The following KANK1 variants were observed in gnomAD, a reference collection of about 807,000 sequenced individuals.
KANK1 encodes KN motif and ankyrin repeat domains 1, also known as KN motif and ankyrin repeat domain-containing protein 1.
In KANK1, 109 loss-of-function variants were observed where a neutral mutation model predicts 106.2. The observed-to-expected ratio is 1.03, with a 90% confidence interval of 0.88 to 1.20. KANK1 has a LOEUF of 1.20. Among genes scored for constraint, KANK1 ranks in the 50% most tolerant of loss-of-function variants. KANK1 has a pLI of 0.00. For missense variants in KANK1, 2,399 were observed against 1,710.7 expected, an observed-to-expected ratio of 1.40 and a Z score of -7.10; for synonymous variants, 873 against 652.2, an observed-to-expected ratio of 1.34 and a Z score of -5.16.
At chr9:621,721 A>G (rs1485317214) in intron 1 of KANK1, among the ~76,000 whole-genome samples, 1 of 152,036 alleles carries the variant, frequency 6.6e-6, no homozygotes, top group Non-Finnish European at 1.5e-5. Flanking sequence ...CCATCTCGTA[A>G]GCAGAGCCTA....
At chr9:532,885 G>A (rs2060128797) in intron 1 of KANK1, among the ~76,000 whole-genome samples, 1 of 152,088 alleles carries the variant, frequency 6.6e-6, no homozygotes, top group Non-Finnish European at 1.5e-5. Context: ...CTGGCCATTG[G>A]GGTATAATAA....
At chr9:568,895 GT>G (rs1563784075) in intron 1 of KANK1, among the ~76,000 whole-genome samples, 1 of 152,138 alleles carries the variant, frequency 6.6e-6, no homozygotes, top group African/African-American at 2.4e-5. Flanking sequence ...CCCTTAATAT[GT>G]TTTGCCAAAT....
At chr9:621,453 C>G (rs890851207) in intron 1 of KANK1, among the ~76,000 whole-genome samples, 20 of 152,106 alleles carry the variant, frequency 1.3e-4, no homozygotes, top group African/African-American at 4.8e-4. Flanking sequence ...AGTGAGTTCA[C>G]ACAGGGATTT....
chr9:741,528 C>CT (rs1835523586), intron 9 of KANK1, among the ~76,000 whole-genome samples: 1 of 149,468 alleles, frequency 6.7e-6, no homozygotes, highest in South Asian at 2.1e-4. Flanking sequence ...CATTCTGTCA[C>CT]CCAGGCTGGA....
chr9:519,074 G>GA (rs748697347), intron 1 of KANK1, among the ~76,000 whole-genome samples: 62 of 151,640 alleles, frequency 4.1e-4, no homozygotes, highest in Non-Finnish European at 7.4e-4. Flanking sequence ...ATGTTTAATA[G>GA]AAACGGGGTT....
chr9:698,987 C>A (rs796195740), intron 2 of KANK1, among the ~76,000 whole-genome samples: 1 of 152,160 alleles, frequency 6.6e-6, no homozygotes, highest in Non-Finnish European at 1.5e-5. Context: ...TGTCTGTCCC[C>A]TTTCTGCCTC....
chr9:537,163 A>C (rs181048775), intron 1 of KANK1, among the ~76,000 whole-genome samples: 18 of 152,340 alleles, frequency 1.2e-4, no homozygotes, highest in African/African-American at 3.4e-4. Flanking sequence ...ACCACCTCCT[A>C]AACAACTCTT....
intron 1 of KANK1, among the ~76,000 whole-genome samples, chr9:669,757 A>G (rs1845477454): frequency 6.6e-6 from 1 of 151,838 alleles, no homozygotes; most frequent in Non-Finnish European, 1.5e-5. Flanking sequence ...CTCTACCTGG[A>G]TATTTTTCTC....
intron 1 of KANK1, among the ~76,000 whole-genome samples, chr9:633,803 C>T (rs971709847): frequency 6.6e-6 from 1 of 152,158 alleles, no homozygotes; most frequent in Non-Finnish European, 1.5e-5. Context: ...CAAGCACATG[C>T]CACCACACCT....
At chr9:525,242 A>G (rs1175869656) in intron 1 of KANK1, among the ~76,000 whole-genome samples, 1 of 150,122 alleles carries the variant, frequency 6.7e-6, no homozygotes, top group Non-Finnish European at 1.5e-5. Flanking sequence ...TAATCCACCC[A>G]CCTTGGCCTC....
At chr9:503,255 TGGG>T (rs762544749), upstream of KANK1, among the ~76,000 whole-genome samples, 19 of 151,802 alleles carry the variant, frequency 1.3e-4, no homozygotes, top group Non-Finnish European at 1.2e-4. Flanking sequence ...GTGGTGGTGG[TGGG>T]GGATTTTAGA....
rs116371809 is a variant in KANK1, at chr9:627,482, A to G, written c.-83-49408A>G. Among the ~76,000 whole-genome samples, 749 of 152,282 alleles carry G rather than the reference A, an allele frequency of 4.9e-3. 16 individuals are homozygous for G. Among genetic ancestry groups the G allele is most frequent in the African/African-American group, 0.017 (698 of 41,532 alleles). On this transcript the variant is annotated intron_variant, in intron 1 of 11. Transcript: ENST00000382297. Reference sequence around the variant, plus strand: ...TCTGCTGGTAAGCTTGATTATCAGGATATTCCTGGGGACCTAGAATTTAAT... The same window carrying G: ...TCTGCTGGTAAGCTTGATTATCAGGGTATTCCTGGGGACCTAGAATTTAAT...
chr9:594,197 A>T (rs1301702872), intron 1 of KANK1, among the ~76,000 whole-genome samples: 1 of 151,924 alleles, frequency 6.6e-6, no homozygotes, highest in African/African-American at 2.4e-5. Context: ...ATTTATGGCA[A>T]TAGGCTTATC....
At chr9:702,615 C>G (rs1015959746) in intron 2 of KANK1, among the ~76,000 whole-genome samples, 1 of 152,204 alleles carries the variant, frequency 6.6e-6, no homozygotes, top group African/African-American at 2.4e-5. Context: ...TCGGTCTGCA[C>G]TTCCCACTGG....
chr9:528,743 C>T (rs2059923142), intron 1 of KANK1, among the ~76,000 whole-genome samples: 1 of 152,066 alleles, frequency 6.6e-6, no homozygotes, highest in African/African-American at 2.4e-5. Flanking sequence ...CCGCCTCGGC[C>T]TCCCAAAGTG....
In KANK1 at chr9:713,075, A is replaced by C. The variant is rs755580165; in HGVS notation, c.2309A>C (p.Tyr770Ser). ...GGGCAGATAAATATTAACGACAACT[A>C]TCTGGTTGGTCTCAAAATGAGGACT... ...GVGQININDN[Y>S]LVGLKMRTIA... The change falls in exon 3 of 12, where the codon TAT becomes TCT. Residue 770 changes from tyrosine to serine, a missense_variant. Tyr to Ser is a moderately radical substitution (Grantham distance 144). Coordinates refer to ENST00000382297, the MANE Select transcript of KANK1 (RefSeq NM_015158.5). 1 of 1,613,812 alleles carries C rather than the reference A, an allele frequency of 6.2e-7. No homozygotes were observed. Among genetic ancestry groups the C allele is most frequent in the Non-Finnish European group, 8.5e-7 (1 of 1,179,782 alleles).
intron 8 of KANK1, among the ~76,000 whole-genome samples, chr9:739,990 C>G (rs905912862): frequency 6.6e-6 from 1 of 152,142 alleles, no homozygotes; most frequent in Non-Finnish European, 1.5e-5. Flanking sequence ...TGTTTGGGAT[C>G]TTAAGGTAAA....
At chr9:664,361 G>GA (rs1844076975) in intron 1 of KANK1, among the ~76,000 whole-genome samples, 1 of 152,142 alleles carries the variant, frequency 6.6e-6, no homozygotes, top group African/African-American at 2.4e-5. Context: ...TGAACATAAT[G>GA]ACCCCCAGTT....
At chr9:563,283 T>C (rs1587843107) in intron 1 of KANK1, among the ~76,000 whole-genome samples, 1 of 152,204 alleles carries the variant, frequency 6.6e-6, no homozygotes, top group Admixed American at 6.5e-5. Context: ...CTAATGTTGC[T>C]ATCCCTAATA....
Sources: gnomAD v4.1 joint callset for allele counts (sites outside exome capture counted in the v4.1 genomes callset) on GRCh38, gnomAD v4.1.1 for gene constraint, MANE v1.5 for transcripts, NCBI Gene and HGNC (gene_info 2026-07-23, HGNC 2026-07-21) for gene names.